The following DAB1 variants were observed in gnomAD, a reference collection of about 807,000 sequenced individuals.
DAB1 encodes DAB adaptor protein 1.
In DAB1, 15 loss-of-function variants were observed where a neutral mutation model predicts 64.6. That is an observed-to-expected ratio of 0.23 (90% confidence interval 0.16 to 0.36). The LOEUF (loss-of-function observed/expected upper bound fraction) is 0.36, where lower values mean the gene tolerates loss of function less well. Ranked by LOEUF, DAB1 falls within the 10% of genes least tolerant of loss-of-function variation. DAB1 has a pLI of 1.00. For missense variants in DAB1, 596 were observed against 706.7 expected, an observed-to-expected ratio of 0.84 and a Z score of 1.78; for synonymous variants, 235 against 251.9, an observed-to-expected ratio of 0.93 and a Z score of 0.64.
At position 57,155,941 on chromosome 1, in the gene DAB1, T is replaced by G. The variant is rs567609833; in HGVS notation, c.68-10512A>C. Reference sequence around the variant, plus strand: ...TGTGGAGTTGTTAGGTTTTTCCAAATAGAAGATCATATCATCTGCAAACAA... The same window carrying G: ...TGTGGAGTTGTTAGGTTTTTCCAAAGAGAAGATCATATCATCTGCAAACAA... On this transcript the variant is annotated intron_variant, in intron 2 of 14. Coordinates refer to ENST00000371236, the MANE Select transcript of DAB1 (RefSeq NM_001365792.1). Among the ~76,000 whole-genome samples, 19 of 152,282 alleles carry G rather than the reference T, an allele frequency of 1.2e-4. No individual in the cohort carries two copies. The South Asian group carries it at 3.7e-3, about 30-fold the overall frequency.
chr1:57,034,195 A>G (rs917003339), intron 9 of DAB1, among the ~76,000 whole-genome samples: 9 of 150,802 alleles, frequency 6.0e-5, no homozygotes, highest in Admixed American at 2.0e-4. Context: ...CAGGAGAATC[A>G]CTTGAATCCA....
intron 7 of DAB1, among the ~76,000 whole-genome samples, chr1:57,480,130 C>T (rs1448167413): frequency 7.1e-6 from 1 of 141,478 alleles, no homozygotes; most frequent in East Asian, 2.1e-4. Flanking sequence ...CCAGCCTGGG[C>T]GACAGAGCGA....
chr1:57,689,323 GGAA>G (rs1209479055), intron 6 of DAB1, among the ~76,000 whole-genome samples: 6 of 152,138 alleles, frequency 3.9e-5, no homozygotes, highest in Admixed American at 2.0e-4. Context: ...CCAGGCCTGT[GGAA>G]GAAGGTCACC....
At chr1:57,032,813 T>C (rs1332333576) in intron 9 of DAB1, among the ~76,000 whole-genome samples, 1 of 152,210 alleles carries the variant, frequency 6.6e-6, no homozygotes, top group Non-Finnish European at 1.5e-5. Flanking sequence ...GGCTTCTGTA[T>C]CAATCAATTT....
rs1020200351 is a variant in DAB1 at position 58,491,084 on chromosome 1, G to C, written n.257+14976C>G. 8.5e-5 allele frequency among the ~76,000 whole-genome samples: 13 copies of C among 152,104 alleles called. No individual in the cohort carries two copies. The South Asian group carries it at 2.7e-3, about 32-fold the overall frequency. ...AGCCTCCCAAAGTGCTGAGATTACA[G>C]GCGTGAACCACTGCACCCGGCCCTT... On this transcript the variant is annotated intron_variant and non_coding_transcript_variant, in intron 3 of 20. Coordinates refer to the DAB1 transcript ENST00000485760.
chr1:58,541,554 C>T (rs1197783619), intron 1 of DAB1: 10 of 123,790 alleles, frequency 8.1e-5, no homozygotes, highest in Non-Finnish European at 1.4e-4. Flanking sequence ...AGGCAAGAGA[C>T]TGCAGTGAGC....
At chr1:57,358,445 A>G (rs1446789260) in intron 1 of DAB1, among the ~76,000 whole-genome samples, 1 of 152,026 alleles carries the variant, frequency 6.6e-6, no homozygotes, top group Non-Finnish European at 1.5e-5. Context: ...GTGGTGTATC[A>G]CATTTATTGT....
intron 4 of DAB1, among the ~76,000 whole-genome samples, chr1:58,340,297 G>A (rs17117348): frequency 0.12 from 18,825 of 152,056 alleles, 1,270 homozygotes; most frequent in East Asian, 0.18. Flanking sequence ...ATCTGTCCCC[G>A]TTACTAGGAC....
At chr1:57,402,419 A>G (rs1297876146) in intron 1 of DAB1, among the ~76,000 whole-genome samples, 1 of 152,204 alleles carries the variant, frequency 6.6e-6, no homozygotes, top group Non-Finnish European at 1.5e-5. Context: ...AAGATGTGAT[A>G]TGTTACAGTC....
At position 57,069,347 on chromosome 1, in the gene DAB1, A is replaced by G. The variant is rs755199896; in HGVS notation, c.663+13T>C. The stretch of plus-strand genomic sequence containing the variant: ...TAGTGGTGCAATGGTAAGAGAGGCA[A>G]GCAATTTTATACCTGATAAATGTTT... On this transcript the variant is annotated intron_variant, in intron 8 of 14. Coordinates refer to ENST00000371236, the MANE Select transcript of DAB1 (RefSeq NM_001365792.1). The G allele has an allele frequency of 6.2e-6, 10 of 1,610,324 alleles. No individual in the cohort carries two copies. In the East Asian group the frequency reaches 2.0e-4, roughly 32 times the overall value.
rs913000129 is a variant in DAB1, at chr1:56,996,533, C to T, written c.*1611G>A. ...CTCTTCTGTTTCACGTACAAACAGTCCAGTGATTTATATCGGGGGTAGGTG... is the reference window on the plus strand; with the variant it reads ...CTCTTCTGTTTCACGTACAAACAGTTCAGTGATTTATATCGGGGGTAGGTG... On this transcript the variant is annotated 3_prime_UTR_variant, in exon 15 of 15. Transcript: ENST00000371236. 1.3e-5 allele frequency: 2 copies of T among 152,148 alleles called. No homozygotes were observed. Among genetic ancestry groups the T allele is most frequent in the Non-Finnish European group, 2.9e-5 (2 of 68,036 alleles). The allele number at this position is 152,148 out of a possible 1,614,324, so 9.4% of individuals were successfully genotyped here.
intron 7 of DAB1, among the ~76,000 whole-genome samples, chr1:57,439,005 G>A (rs1408205114): frequency 6.6e-6 from 1 of 152,170 alleles, no homozygotes; most frequent in East Asian, 1.9e-4. Flanking sequence ...TGTGACCCAA[G>A]CTAAGTCAGT....
At chr1:57,078,012 A>T (rs1232094085) in intron 4 of DAB1, among the ~76,000 whole-genome samples, 1 of 152,232 alleles carries the variant, frequency 6.6e-6, no homozygotes, top group African/African-American at 2.4e-5. Context: ...CAATTACAGT[A>T]GTTAAAACCT....
intron 2 of DAB1, among the ~76,000 whole-genome samples, chr1:57,214,157 G>A (rs1436777225): frequency 6.6e-6 from 1 of 152,182 alleles, no homozygotes; most frequent in Non-Finnish European, 1.5e-5. Context: ...CAAGATCAAG[G>A]GGCCAGCAGA....
At chr1:57,426,096 T>A (rs1318700871), upstream of DAB1, among the ~76,000 whole-genome samples, 1 of 152,226 alleles carries the variant, frequency 6.6e-6, no homozygotes, top group African/African-American at 2.4e-5. Flanking sequence ...AGTTTCTCAA[T>A]GCTTTGAGGA....
chr1:58,401,155 T>C (rs1644565488), intron 3 of DAB1, among the ~76,000 whole-genome samples: 1 of 152,156 alleles, frequency 6.6e-6, no homozygotes, highest in African/African-American at 2.4e-5. Context: ...ATGAATCAAT[T>C]CATGCCACTT....
At chr1:58,457,349 G>A (rs1303666156) in intron 3 of DAB1, among the ~76,000 whole-genome samples, 4 of 152,110 alleles carry the variant, frequency 2.6e-5, no homozygotes, top group Non-Finnish European at 5.9e-5. Flanking sequence ...GGAAAGACAG[G>A]CACGGTATTT....
chr1:57,660,865 G>A (rs967723576), intron 6 of DAB1, among the ~76,000 whole-genome samples: 1 of 152,150 alleles, frequency 6.6e-6, no homozygotes, highest in South Asian at 2.1e-4. Context: ...CCTTTACTGT[G>A]ACTGCATCAC....
intron 5 of DAB1, among the ~76,000 whole-genome samples, chr1:58,075,925 T>A (rs1649608961): frequency 6.9e-6 from 1 of 145,118 alleles, no homozygotes; most frequent in Middle Eastern, 3.3e-3. Context: ...CTGTTACAAG[T>A]CTTTCTCTCT....
Sources: allele counts gnomAD v4.1 joint callset (sites outside exome capture counted in the v4.1 genomes callset), GRCh38; gene constraint gnomAD v4.1.1; transcripts MANE v1.5; gene names NCBI Gene and HGNC (gene_info 2026-07-23, HGNC 2026-07-21).